Variants in GRAMD2B observed in about 807,000 individuals in gnomAD.
GRAMD2B encodes GRAM domain containing 2B, also known as GRAM domain-containing protein 2B.
A neutral mutation model predicts 59.2 loss-of-function variants in GRAMD2B; 41 were observed. That is an observed-to-expected ratio of 0.69 (90% CI 0.54 to 0.90). The LOEUF is 0.90. Among genes scored for constraint, GRAMD2B ranks in the 40% least tolerant of loss-of-function variants. The pLI, the probability that GRAMD2B is intolerant of heterozygous loss-of-function variation, is 0.00. For missense variants in GRAMD2B, 424 were observed against 500.5 expected (o/e 0.85, Z 1.46); for synonymous variants, 161 against 182.7 (o/e 0.88, Z 0.96).
At chr5:126,360,351 T>C in exon 1 of GRAMD2B, 1 of 1,551,296 alleles carries the variant, frequency 6.4e-7, no homozygotes, top group East Asian at 2.4e-5. Flanking sequence ...AGACAGCAAG[T>C]CCTACAAGCA....
chr5:126,491,018 G>C (rs1773829317), intron 13 of GRAMD2B, among the ~76,000 whole-genome samples: 1 of 152,122 alleles, frequency 6.6e-6, no homozygotes, highest in African/African-American at 2.4e-5. Context: ...CCCACTACCA[G>C]TCAGATAGTG....
intron 1 of GRAMD2B, among the ~76,000 whole-genome samples, chr5:126,364,561 G>A (rs2149684453): frequency 6.6e-6 from 1 of 152,292 alleles, no homozygotes; most frequent in South Asian, 2.1e-4. Flanking sequence ...GTCACAACAG[G>A]GAGGAATTCT....
At chr5:126,398,285 C>A (rs1757543091) in intron 1 of GRAMD2B, among the ~76,000 whole-genome samples, 1 of 151,998 alleles carries the variant, frequency 6.6e-6, no homozygotes, top group African/African-American at 2.4e-5. Flanking sequence ...TGGAAGATTT[C>A]TTAATACTGA....
chr5:126,429,084 A>C (rs1425045368), intron 1 of GRAMD2B, among the ~76,000 whole-genome samples: 1 of 152,192 alleles, frequency 6.6e-6, no homozygotes, highest in Non-Finnish European at 1.5e-5. Context: ...AGACACATGC[A>C]TGTGTATGTT....
chr5:126,411,862 T>TGTGTGTGTGTG (rs1580844089), intron 1 of GRAMD2B, among the ~76,000 whole-genome samples: 21 of 32,288 alleles, frequency 6.5e-4, no homozygotes, highest in East Asian at 2.9e-3. Context: ...GTGTGTGTGT[T>TGTGTGTGTGTG]TGTGTGTCTA....
intron 1 of GRAMD2B, among the ~76,000 whole-genome samples, chr5:126,435,270 T>C (rs535294365): frequency 5.3e-5 from 8 of 152,232 alleles, no homozygotes; most frequent in African/African-American, 1.9e-4. Context: ...TGTAGCCAAT[T>C]TGTGTTTTGT....
chr5:126,432,659 T>A (rs990181239), intron 1 of GRAMD2B, among the ~76,000 whole-genome samples: 4 of 152,346 alleles, frequency 2.6e-5, no homozygotes, highest in Non-Finnish European at 4.4e-5. Context: ...AGTGTGGTCC[T>A]CAAAGAGCCT....
chr5:126,451,873 A>G (rs1330927603), intron 1 of GRAMD2B, among the ~76,000 whole-genome samples: 1 of 152,038 alleles, frequency 6.6e-6, no homozygotes, highest in Non-Finnish European at 1.5e-5. Flanking sequence ...GTTAGTTAAT[A>G]TGAGATCTGG....
intron 1 of GRAMD2B, among the ~76,000 whole-genome samples, chr5:126,371,779 A>G (rs1440355580): frequency 6.6e-6 from 1 of 152,210 alleles, no homozygotes; most frequent in Non-Finnish European, 1.5e-5. Context: ...TATTATTACT[A>G]TGAAGGAAAA....
chr5:126,464,353 G>A (rs758773765), intron 1 of GRAMD2B, among the ~76,000 whole-genome samples: 10 of 152,152 alleles, frequency 6.6e-5, no homozygotes, highest in Non-Finnish European at 1.3e-4. Context: ...CAGAAGTATC[G>A]TTTGTGTTTT....
At chr5:126,475,115 A>ATTACCCTGGAAAAATATTATCAT (rs1554089405) in intron 5 of GRAMD2B, among the ~76,000 whole-genome samples, 117 of 152,310 alleles carry the variant, frequency 7.7e-4, no homozygotes, top group African/African-American at 2.5e-3. Flanking sequence ...AAATGTTACC[A>ATTACCCTGGAAAAATATTATCAT]TTACCCTGGA....
chr5:126,427,566 T>C (rs1427962513), intron 1 of GRAMD2B, among the ~76,000 whole-genome samples: 1 of 152,242 alleles, frequency 6.6e-6, no homozygotes, highest in East Asian at 1.9e-4. Context: ...AGGATAGATG[T>C]GGGCAACAAG....
intron 1 of GRAMD2B, among the ~76,000 whole-genome samples, chr5:126,371,844 T>C (rs1754784348): frequency 6.6e-6 from 1 of 152,238 alleles, no homozygotes; most frequent in Non-Finnish European, 1.5e-5. Flanking sequence ...CTGGTCACTA[T>C]GCAATTCCTC....
At chr5:126,488,744 C>T (rs1581289500) in intron 12 of GRAMD2B, 55 bp from the exon 13 acceptor site, 1 of 1,218,716 alleles carries the variant, frequency 8.2e-7, no homozygotes, top group South Asian at 1.3e-5. Flanking sequence ...TGTGTTCATT[C>T]CACTTCTTTC....
rs1255615617 is a variant in GRAMD2B at position 126,493,786 on chromosome 5, T to A, written c.*830T>A. 5 of 152,630 alleles carry A rather than the reference T, an allele frequency of 3.3e-5. No homozygotes were observed. 9.5% of individuals were successfully genotyped at this position (152,630 alleles called of 1,614,324 possible). On this transcript the variant is annotated 3_prime_UTR_variant, in exon 14 of 14. Coordinates refer to ENST00000285689, the MANE Select transcript of GRAMD2B (RefSeq NM_023927.4). ...AATTTTTAAGACTGTAGGTGGACTATGTTAGTAGTTTTCAAGCAGGATGTC... is the reference window on the plus strand; with the variant it reads ...AATTTTTAAGACTGTAGGTGGACTAAGTTAGTAGTTTTCAAGCAGGATGTC...
chr5:126,490,547 G>T (rs1352177694), intron 13 of GRAMD2B, among the ~76,000 whole-genome samples: 2 of 152,164 alleles, frequency 1.3e-5, no homozygotes, highest in Non-Finnish European at 2.9e-5. Flanking sequence ...TGGATTTGGG[G>T]TCAAAATGCG....
chr5:126,408,114 C>G (rs1758420807), intron 1 of GRAMD2B, among the ~76,000 whole-genome samples: 4 of 151,948 alleles, frequency 2.6e-5, no homozygotes, highest in Admixed American at 2.6e-4. Context: ...CTTCCCTGCT[C>G]TATTAGTCCC....
chr5:126,483,048 A>C (rs1487930380), intron 8 of GRAMD2B, among the ~76,000 whole-genome samples: 1 of 145,806 alleles, frequency 6.9e-6, no homozygotes, highest in Non-Finnish European at 1.5e-5. Context: ...AAAAATTATA[A>C]GTTAGTAATA....
rs143519192 is a variant in GRAMD2B, at chr5:126,383,994, G to A, written c.125+12427G>A. Among the ~76,000 whole-genome samples, 449 of 152,204 alleles carry A rather than the reference G, an allele frequency of 2.9e-3. 3 individuals carry two copies. Among genetic ancestry groups the A allele is most frequent in the African/African-American group, 0.01 (429 of 41,524 alleles). On this transcript the variant is annotated intron_variant, in intron 1 of 8. Coordinates refer to the GRAMD2B transcript ENST00000506445. The stretch of plus-strand genomic sequence containing the variant: ...CTGGTTGTGACTGTTATAGGACAAC[G>A]AGGGAGATCCACAGAGAAATAATGG...
Sources: gnomAD v4.1 joint callset for allele counts (sites outside exome capture counted in the v4.1 genomes callset) on GRCh38, gnomAD v4.1.1 for gene constraint, MANE v1.5 for transcripts, NCBI Gene and HGNC (gene_info 2026-07-23, HGNC 2026-07-21) for gene names.